The following ARMC9 variants were observed in gnomAD, a reference collection of about 807,000 sequenced individuals.
The protein encoded by ARMC9 is lisH domain-containing protein ARMC9.
In ARMC9, 94 loss-of-function variants were observed where a neutral mutation model predicts 107.0. That is an observed-to-expected ratio of 0.88 (90% confidence interval 0.74 to 1.04). The LOEUF is 1.04. ARMC9 is among the 50% of genes least tolerant of loss of function. The probability of loss-of-function intolerance (pLI) is 0.00; values close to 1 mark genes in which losing one functional copy is unlikely to be tolerated. For missense variants in ARMC9, 942 were observed against 1,030.1 expected, an observed-to-expected ratio of 0.91 and a Z score of 1.17; for synonymous variants, 380 against 396.9, an observed-to-expected ratio of 0.96 and a Z score of 0.51.
chr2:231,339,855 C>T (rs2044388889), intron 20 of ARMC9, among the ~76,000 whole-genome samples: 1 of 152,214 alleles, frequency 6.6e-6, no homozygotes, highest in African/African-American at 2.4e-5. Context: ...ATCGCTTGAA[C>T]CCAGGAGGCA....
chr2:231,290,453 T>A (rs2040908224), intron 17 of ARMC9, among the ~76,000 whole-genome samples: 1 of 152,224 alleles, frequency 6.6e-6, no homozygotes, highest in African/African-American at 2.4e-5. Flanking sequence ...GGGGCTTACA[T>A]GCCACTAGAT....
intron 9 of ARMC9, 168 bp downstream of exon 9, chr2:231,240,209 G>T: frequency 1.5e-6 from 1 of 672,052 alleles, no homozygotes; most frequent in South Asian, 1.9e-5. Context: ...TTTGAAGAGG[G>T]TACAGCTGAA....
intron 1 of ARMC9, among the ~76,000 whole-genome samples, chr2:231,201,795 A>G (rs2031026994): frequency 6.6e-6 from 1 of 152,214 alleles, no homozygotes; most frequent in African/African-American, 2.4e-5. Context: ...AGATAGCTGA[A>G]AGTGCCTGGA....
chr2:231,347,905 A>C (rs182706302), intron 21 of ARMC9, among the ~76,000 whole-genome samples: 2 of 152,358 alleles, frequency 1.3e-5, no homozygotes, highest in South Asian at 2.1e-4. Context: ...GTAAGCATTT[A>C]AAAATAAGTC....
intron 19 of ARMC9, among the ~76,000 whole-genome samples, chr2:231,317,289 G>A (rs2042752068): frequency 6.6e-6 from 1 of 151,994 alleles, no homozygotes; most frequent in African/African-American, 2.4e-5. Flanking sequence ...TCCTGCCTCA[G>A]CTTCCTGAGT....
At chr2:231,265,544 T>A (rs1180398014) in intron 12 of ARMC9, among the ~76,000 whole-genome samples, 2 of 152,150 alleles carry the variant, frequency 1.3e-5, no homozygotes, top group African/African-American at 2.4e-5. Flanking sequence ...AGCTAAGATA[T>A]GAGGATGCAA....
chr2:231,301,760 C>T (rs2041742102), intron 19 of ARMC9, among the ~76,000 whole-genome samples: 1 of 152,104 alleles, frequency 6.6e-6, no homozygotes, highest in Non-Finnish European at 1.5e-5. Flanking sequence ...AGGCACATCA[C>T]CTGAGGCCAG....
At chr2:231,334,818 C>T (rs902222341) in intron 20 of ARMC9, among the ~76,000 whole-genome samples, 2 of 152,118 alleles carry the variant, frequency 1.3e-5, no homozygotes, top group Non-Finnish European at 1.5e-5. Flanking sequence ...GGATTCCCAC[C>T]TTGTCATGCC....
chr2:231,270,779 A>T (rs2039257221), intron 12 of ARMC9: 15 of 687,232 alleles, frequency 2.2e-5, no homozygotes, highest in Non-Finnish European at 3.0e-5. Flanking sequence ...TTAATTTGGA[A>T]GTCTGACTAA....
chr2:231,255,529 T>G lies in ARMC9; in HGVS notation c.880-1057T>G, dbSNP rs944930803. ...TCGTTTTCCATAGAGGATTTTTTTT[T>G]GTTTGGTTGTTTTTGTTTTTTTTCT... is the stretch of plus-strand genomic sequence containing the variant. On this transcript the variant is annotated intron_variant, in intron 9 of 24. Transcript: ENST00000611582. The surrounding 1 kb of genome is among the most constrained non-coding windows in gnomAD (Gnocchi z 4.7). Among the ~76,000 whole-genome samples the G allele has an allele frequency of 6.6e-6, 1 of 152,216 alleles. No homozygotes were observed. The highest frequency in any genetic ancestry group is 2.4e-5 in the African/African-American group (1 of 41,458).
chr2:231,310,253 A>G (rs527748678), intron 19 of ARMC9, among the ~76,000 whole-genome samples: 1 of 150,322 alleles, frequency 6.7e-6, no homozygotes, highest in Non-Finnish European at 1.5e-5. Context: ...CGTCTCAACT[A>G]AAACTACAAA....
chr2:231,231,621 C>T (rs2035227614), intron 7 of ARMC9, among the ~76,000 whole-genome samples: 1 of 151,580 alleles, frequency 6.6e-6, no homozygotes, highest in Non-Finnish European at 1.5e-5. Context: ...TGGCTTCAAG[C>T]AATTCAATCG....
chr2:231,341,709 A>G (rs867320552), intron 20 of ARMC9, among the ~76,000 whole-genome samples: 2 of 152,296 alleles, frequency 1.3e-5, no homozygotes, highest in Non-Finnish European at 1.5e-5. Context: ...AGAAATTCAT[A>G]CTGCTTTATA....
At chr2:231,200,340 G>T (rs1265152517) in intron 1 of ARMC9, among the ~76,000 whole-genome samples, 2 of 152,154 alleles carry the variant, frequency 1.3e-5, no homozygotes, top group Non-Finnish European at 2.9e-5. Context: ...ACTCTGTTAG[G>T]TTCTGGGGAT....
At chr2:231,200,667 C>A (rs940744552) in intron 1 of ARMC9, among the ~76,000 whole-genome samples, 1 of 130,394 alleles carries the variant, frequency 7.7e-6, no homozygotes, top group Non-Finnish European at 1.6e-5. Context: ...AAGTGAAACT[C>A]CATCTCAAAA....
chr2:231,208,422 A>G (rs1574846269), intron 3 of ARMC9, among the ~76,000 whole-genome samples, 170 bp downstream of exon 3: 1 of 152,192 alleles, frequency 6.6e-6, no homozygotes, highest in East Asian at 1.9e-4. Flanking sequence ...AAATCTCTGT[A>G]CCCTCCCCAG....
At chr2:231,325,789 C>T (rs1167805334) in intron 19 of ARMC9, among the ~76,000 whole-genome samples, 4 of 152,188 alleles carry the variant, frequency 2.6e-5, no homozygotes, top group African/African-American at 9.7e-5. Flanking sequence ...GGTAGGGCCT[C>T]ACAACAGGAT....
intron 24 of ARMC9, chr2:231,370,445 G>A (rs1297034847): frequency 3.7e-6 from 1 of 268,280 alleles, no homozygotes; most frequent in African/African-American, 2.2e-5. Context: ...GGAGCTCACA[G>A]AGTTGGCCCT....
intron 5 of ARMC9, 55 bp from the exon 6 acceptor site, chr2:231,222,673 T>C (rs1043587118): frequency 3.0e-6 from 3 of 1,010,866 alleles, no homozygotes; most frequent in South Asian, 1.5e-5. Flanking sequence ...AACTTGATGA[T>C]GCTATTGGTA....
Sources: gnomAD v4.1 joint callset for allele counts (sites outside exome capture counted in the v4.1 genomes callset) on GRCh38, gnomAD v4.1.1 for gene constraint, Gnocchi (gnomAD v3.1) non-coding constraint, MANE v1.5 for transcripts, NCBI Gene and HGNC (gene_info 2026-07-23, HGNC 2026-07-21) for gene names.